COX8A: variants seen among roughly 807,000 people sequenced by gnomAD.
COX8A encodes the protein cytochrome c oxidase subunit 8A, also known as cytochrome c oxidase subunit 8A, mitochondrial.
COX8A carries 6 observed loss-of-function variants against 4.4 expected under a neutral mutation model. That is an observed-to-expected ratio of 1.36 (90% CI 0.74 to 2.68). The LOEUF (loss-of-function observed/expected upper bound fraction) is 2.68. Among genes scored for constraint, COX8A ranks in the 30% most tolerant of loss-of-function variants. The probability of loss-of-function intolerance (pLI) is 0.00; values close to 1 mark genes in which losing one functional copy is unlikely to be tolerated. For synonymous variants in COX8A, 53 were observed against 47.1 expected (o/e 1.12, Z -0.51); for missense variants, 72 against 89.6 (o/e 0.80, Z 0.79).
chr11:63,976,444 C>A lies in COX8A; in HGVS notation c.*124C>A. 3.5e-6 allele frequency: 3 copies of A among 845,164 alleles called. No individual in the cohort carries two copies. Among genetic ancestry groups the A allele is most frequent in the Non-Finnish European group, 3.9e-6 (2 of 516,750 alleles). 52.4% of individuals were successfully genotyped at this position (845,164 alleles called of 1,614,324 possible). On this transcript the variant is annotated 3_prime_UTR_variant, in exon 2 of 2. Transcript: ENST00000314133. ...CATTCAATTCCAGTCACCTCTTCTG[C>A]AATCATGACCTCTTGATGTCTCCAT...
chr11:63,976,321 A>AG lies in COX8A; in HGVS notation c.*5dup. 1 of 1,613,918 alleles carries AG rather than the reference A, an allele frequency of 6.2e-7. No homozygotes were observed. The highest frequency in any genetic ancestry group is 8.5e-7 in the Non-Finnish European group (1 of 1,179,822). ...GGAGACCTACAGGAGGCCAGAGTGAAGGGGTCCGTTCTGTCCCTCACACTG... is the reference window on the plus strand; with the variant it reads ...GGAGACCTACAGGAGGCCAGAGTGAAGGGGGTCCGTTCTGTCCCTCACACTG... On this transcript the variant is annotated 3_prime_UTR_variant, in exon 2 of 2. Coordinates refer to ENST00000314133, the MANE Select transcript of COX8A (RefSeq NM_004074.3).
intron 1 of COX8A, 100 bp from the exon 2 acceptor site, chr11:63,976,125 C>A: frequency 1.8e-6 from 2 of 1,126,444 alleles, no homozygotes; most frequent in Non-Finnish European, 2.7e-6. Context: ...TGAGTCCTGG[C>A]TCCCTGAGCG....
Position 63,976,423 on chromosome 11 carries a change from C to T in COX8A, c.*103C>T, listed in dbSNP as rs571176763. 88 of 1,015,952 alleles carry T rather than the reference C, an allele frequency of 8.7e-5. No individual in the cohort carries two copies. Among genetic ancestry groups the T allele is most frequent in the Non-Finnish European group, 1.3e-4 (83 of 655,796 alleles). The allele number at this position is 1,015,952 out of a possible 1,614,324, so 62.9% of individuals were successfully genotyped here. The stretch of plus-strand genomic sequence containing the variant: ...CCGGCCTCCCCTGGATCATGTCATT[C>T]AATTCCAGTCACCTCTTCTGCAATC... On this transcript the variant is annotated 3_prime_UTR_variant, in exon 2 of 2. Transcript: ENST00000314133.
At position 63,976,254 on chromosome 11, in the gene COX8A, C is replaced by T. The variant is rs760287531; in HGVS notation, c.144C>T (p.Phe48=). The change falls in exon 2 of 2, where the codon TTC becomes TTT. Residue 48 remains phenylalanine (F), a synonymous_variant. Transcript: ENST00000314133. The part of the protein sequence containing the change: ...MELAVGLTSC[F]VTFLLPAGWI... ...TGGCCGTTGGGCTTACCTCCTGCTTCGTGACCTTCCTCCTGCCAGCGGGCT... is the reference window on the plus strand; with the variant it reads ...TGGCCGTTGGGCTTACCTCCTGCTTTGTGACCTTCCTCCTGCCAGCGGGCT... 4.3e-6 allele frequency: 7 copies of T among 1,614,176 alleles called. No homozygotes were observed. The highest frequency in any genetic ancestry group is 3.3e-5 in the South Asian group (3 of 91,084).
intron 1 of COX8A, among the ~76,000 whole-genome samples, chr11:63,975,293 C>T (rs968959936): frequency 1.3e-5 from 2 of 151,876 alleles, no homozygotes; most frequent in Non-Finnish European, 2.9e-5. Flanking sequence ...ATTCTCCTGC[C>T]TCAGCCTCCC....
intron 1 of COX8A, 129 bp from the exon 2 acceptor site, chr11:63,976,096 G>C (rs1311917024): frequency 3.7e-6 from 3 of 808,364 alleles, no homozygotes; most frequent in East Asian, 2.4e-5. Flanking sequence ...GTGAGGATGC[G>C]GGGCCTCCCA....
chr11:63,976,193 C>T lies in COX8A; in HGVS notation c.115-32C>T, dbSNP rs112292223. 4.5e-5 allele frequency: 72 copies of T among 1,597,958 alleles called. No individual in the cohort carries two copies. The African/African-American group carries it at 7.5e-4, about 17-fold the overall frequency. On this transcript the variant is annotated intron_variant, in intron 1 of 1. Coordinates refer to ENST00000314133, the MANE Select transcript of COX8A (RefSeq NM_004074.3). ...TAGAGAGCCTAGGGGAATACTGACT[C>T]CGAGGTGCCTTCTTTCTTGTGCTCT...
rs1189119481 is a variant in COX8A at position 63,976,355 on chromosome 11, C to T, written c.*35C>T. Reference sequence around the variant, plus strand: ...TTCTGTCCCTCACACTGTGACCTGACCAGCCCCACCGGCCCATCCTGGTCA... The same window carrying T: ...TTCTGTCCCTCACACTGTGACCTGATCAGCCCCACCGGCCCATCCTGGTCA... On this transcript the variant is annotated 3_prime_UTR_variant, in exon 2 of 2. Transcript: ENST00000314133. 2 of 1,585,664 alleles carry T rather than the reference C, an allele frequency of 1.3e-6. No homozygotes were observed. The highest frequency in any genetic ancestry group is 3.3e-5 in the Admixed American group (2 of 59,954).
chr11:63,975,254 C>T lies in COX8A; in HGVS notation c.114+460C>T, dbSNP rs1020154568. 3.9e-5 allele frequency among the ~76,000 whole-genome samples: 6 copies of T among 152,284 alleles called. No homozygotes were observed. The East Asian group carries it at 7.7e-4, about 20-fold the overall frequency. ...AGTGCAGTGGCGCGATCTCGGCTCACTGCAGCCTCCGACTCCCGGGTTCAA... is the reference window on the plus strand; with the variant it reads ...AGTGCAGTGGCGCGATCTCGGCTCATTGCAGCCTCCGACTCCCGGGTTCAA... On this transcript the variant is annotated intron_variant, in intron 1 of 1. Coordinates refer to ENST00000314133, the MANE Select transcript of COX8A (RefSeq NM_004074.3).
chr11:63,974,959 G>A (rs1942526064), intron 1 of COX8A, among the ~76,000 whole-genome samples, 165 bp downstream of exon 1: 1 of 152,156 alleles, frequency 6.6e-6, no homozygotes, highest in Admixed American at 6.5e-5. Flanking sequence ...GACAGTGCCC[G>A]GGCGACAGTC....
Position 63,976,452 on chromosome 11 carries a change from A to G in COX8A, c.*132A>G. 1 of 802,010 alleles carries G rather than the reference A, an allele frequency of 1.2e-6. No homozygotes were observed. Among genetic ancestry groups the G allele is most frequent in the Non-Finnish European group, 2.1e-6 (1 of 483,068 alleles). 49.7% of individuals were successfully genotyped at this position (802,010 alleles called of 1,614,324 possible). ...TCCAGTCACCTCTTCTGCAATCATG[A>G]CCTCTTGATGTCTCCATGGTGACCT... is the stretch of plus-strand genomic sequence containing the variant. On this transcript the variant is annotated 3_prime_UTR_variant, in exon 2 of 2. Transcript: ENST00000314133.
At chr11:63,974,883 C>A in intron 1 of COX8A, 89 bp downstream of exon 1, 1 of 1,189,474 alleles carries the variant, frequency 8.4e-7, no homozygotes, top group Non-Finnish European at 1.2e-6. Context: ...GAATGCCTCG[C>A]GCCCCGCAGC....
Position 63,974,644 on chromosome 11 carries a change from A to G in COX8A, c.-37A>G. On this transcript the variant is annotated 5_prime_UTR_variant, in exon 1 of 2. Transcript: ENST00000314133. Reference sequence around the variant, plus strand: ...CATTTTGGCTTCCTGACCTTGGGCTACGGCTGACCGTTTTTTGTGGTGTAC... The same window carrying G: ...CATTTTGGCTTCCTGACCTTGGGCTGCGGCTGACCGTTTTTTGTGGTGTAC... The G allele has an allele frequency of 1.3e-6, 2 of 1,566,052 alleles. No individual in the cohort carries two copies. The highest frequency in any genetic ancestry group is 1.7e-6 in the Non-Finnish European group (2 of 1,152,828).
chr11:63,974,910 G>A, intron 1 of COX8A, 116 bp downstream of exon 1: 4 of 991,360 alleles, frequency 4.0e-6, no homozygotes, highest in Non-Finnish European at 5.8e-6. Flanking sequence ...GGGAGCAGCA[G>A]TGCCGGTTTG....
rs768605109 is a variant in COX8A, at chr11:63,974,769, C to T, written c.89C>T (p.Pro30Leu). The change falls in exon 1 of 2, where the codon CCG (proline) becomes CTG (leucine). Residue 30 changes from proline to leucine, a missense_variant. Physicochemically the swap from Pro to Leu is moderately conservative, Grantham distance 98. Transcript: ENST00000314133. ...CCGCGCGCCAAGATCCATTCGTTGC[C>T]GCCGGAGGGGAAGCTTGGGATCATG... The part of the protein sequence containing the change: ...PVPRAKIHSL[P>L]PEGKLGIMEL... 3 of 1,607,772 alleles carry T rather than the reference C, an allele frequency of 1.9e-6. No homozygotes were observed. The highest frequency in any genetic ancestry group is 1.7e-5 in the Admixed American group (1 of 59,004).
chr11:63,976,132 A>C (rs1942538272), intron 1 of COX8A, 93 bp from the exon 2 acceptor site: 1 of 1,201,974 alleles, frequency 8.3e-7, no homozygotes, highest in African/African-American at 1.5e-5. Flanking sequence ...TGGCTCCCTG[A>C]GCGGGGCTTT....
At chr11:63,974,955 G>A (rs912633003) in intron 1 of COX8A, among the ~76,000 whole-genome samples, 161 bp downstream of exon 1, 2 of 152,178 alleles carry the variant, frequency 1.3e-5, no homozygotes, top group African/African-American at 2.4e-5. Flanking sequence ...CGGGGACAGT[G>A]CCCGGGCGAC....
Position 63,976,360 on chromosome 11 carries a change from C to G in COX8A, c.*40C>G. 1.9e-6 allele frequency: 3 copies of G among 1,568,362 alleles called. No homozygotes were observed. Among genetic ancestry groups the G allele is most frequent in the Non-Finnish European group, 1.8e-6 (2 of 1,139,012 alleles). On this transcript the variant is annotated 3_prime_UTR_variant, in exon 2 of 2. Coordinates refer to ENST00000314133, the MANE Select transcript of COX8A (RefSeq NM_004074.3). ...TCCCTCACACTGTGACCTGACCAGC[C>G]CCACCGGCCCATCCTGGTCATGTTA...
Position 63,976,291 on chromosome 11 carries a change from C to T in COX8A, c.181C>T (p.His61Tyr), listed in dbSNP as rs1942540004. The T allele has an allele frequency of 6.2e-7, 1 of 1,614,218 alleles. No homozygotes were observed. Among genetic ancestry groups the T allele is most frequent in the East Asian group, 2.2e-5 (1 of 44,886 alleles). Reference protein sequence around the residue: ...FLLPAGWILSHLETYRRPE With the variant: ...FLLPAGWILSYLETYRRPE Reference sequence around the variant, plus strand: ...CCTGCCAGCGGGCTGGATCCTGTCACACCTGGAGACCTACAGGAGGCCAGA... The same window carrying T: ...CCTGCCAGCGGGCTGGATCCTGTCATACCTGGAGACCTACAGGAGGCCAGA... Residue 61 changes from histidine (H) to tyrosine (Y), a missense_variant, in exon 2 of 2, where the codon CAC becomes TAC. By Grantham distance (83) the His-to-Tyr change is moderately conservative. Transcript: ENST00000314133.
Sources: gnomAD v4.1 joint callset for allele counts (sites outside exome capture counted in the v4.1 genomes callset) on GRCh38, gnomAD v4.1.1 for gene constraint, MANE v1.5 for transcripts, NCBI Gene and HGNC (gene_info 2026-07-23, HGNC 2026-07-21) for gene names.